Variants in GSE1 observed in about 807,000 individuals in gnomAD.
GSE1 encodes the protein Gse1 coiled-coil protein, also known as genetic suppressor element 1.
A neutral mutation model predicts 112.6 loss-of-function variants in GSE1; 32 were observed. The observed-to-expected ratio is 0.28, with a 90% confidence interval of 0.21 to 0.38. The LOEUF is 0.38. Among genes scored for constraint, GSE1 ranks in the 10% least tolerant of loss-of-function variants. The probability of loss-of-function intolerance (pLI) is 1.00; values close to 1 mark genes in which losing one functional copy is unlikely to be tolerated. For missense variants in GSE1, 2,348 were observed against 1,699.2 expected (o/e 1.38, Z -6.71); for synonymous variants, 1,115 against 735.6 (o/e 1.52, Z -8.35).
chr16:85,634,229 C>T (rs974659488), intron 2 of GSE1, 97 bp downstream of exon 2: 55 of 845,974 alleles, frequency 6.5e-5, no homozygotes, highest in East Asian at 3.6e-4. Context: ...CAGCAGGTCT[C>T]GTCTTTCCCA....
At position 85,207,309 on chromosome 16, in the gene GSE1, A is replaced by G. The variant is rs140283444; in HGVS notation, c.2283+35502A>G. 1.9e-3 allele frequency among the ~76,000 whole-genome samples: 292 copies of G among 152,304 alleles called. 1 individual carries two copies. The highest frequency in any genetic ancestry group is 3.6e-3 in the Admixed American group (55 of 15,310). ...CTGCGGGCCAGGCTCCTGGATTCCA[A>G]CTGGGAAGGTCTTCAGGGCCGGCTC... On this transcript the variant is annotated intron_variant, in intron 1 of 2. Coordinates refer to the GSE1 transcript ENST00000637419.
At chr16:85,387,280 C>G (rs758471585) in intron 2 of GSE1, among the ~76,000 whole-genome samples, 1 of 152,176 alleles carries the variant, frequency 6.6e-6, no homozygotes, top group Non-Finnish European at 1.5e-5. Context: ...CAGAACCCCC[C>G]ACTTTCCCGA....
intron 2 of GSE1, among the ~76,000 whole-genome samples, chr16:85,389,005 G>A (rs2047770700): frequency 1.3e-5 from 2 of 152,194 alleles, no homozygotes; most frequent in African/African-American, 2.4e-5. Flanking sequence ...AATGTTCCAC[G>A]ATGTTGAGGG....
intron 2 of GSE1, among the ~76,000 whole-genome samples, chr16:85,366,794 G>A (rs2047194773): frequency 6.6e-6 from 1 of 152,238 alleles, no homozygotes; most frequent in Non-Finnish European, 1.5e-5. Flanking sequence ...ACCAAGCATT[G>A]AATAAAAGCA....
intron 1 of GSE1, among the ~76,000 whole-genome samples, chr16:85,626,341 G>A (rs1010542924): frequency 6.6e-5 from 10 of 152,222 alleles, no homozygotes; most frequent in Non-Finnish European, 1.2e-4. Flanking sequence ...CGTGGTGCCC[G>A]TGCAGCCTCA....
chr16:85,182,797 G>C (rs1050210963), intron 1 of GSE1, among the ~76,000 whole-genome samples: 4 of 152,104 alleles, frequency 2.6e-5, no homozygotes, highest in Non-Finnish European at 4.4e-5. Flanking sequence ...GGCTGCATGA[G>C]ATGGGAGTGA....
At chr16:85,614,442 GGTGGGGGACCA>G (rs2048236844) in intron 1 of GSE1, among the ~76,000 whole-genome samples, 1 of 152,242 alleles carries the variant, frequency 6.6e-6, no homozygotes, top group South Asian at 2.1e-4. Flanking sequence ...CCCAGCGCCG[GGTGGGGGACCA>G]GGGGGGCACT....
At chr16:85,177,421 G>A (rs1452002042) in intron 1 of GSE1, among the ~76,000 whole-genome samples, 6 of 152,196 alleles carry the variant, frequency 3.9e-5, no homozygotes, top group East Asian at 3.9e-4. Context: ...GTCTGTCCTC[G>A]GAGAAGAGCG....
chr16:85,675,710 A>G lies in GSE1; in HGVS notation c.*3171A>G, dbSNP rs11865. Reference sequence around the variant, plus strand: ...GATCCTACCCCTTTCCCTGAGCCACATGTTTCACACAAGTGTAGAAAATGC... The same window carrying G: ...GATCCTACCCCTTTCCCTGAGCCACGTGTTTCACACAAGTGTAGAAAATGC... On this transcript the variant is annotated 3_prime_UTR_variant, in exon 16 of 16. Coordinates refer to ENST00000253458, the MANE Select transcript of GSE1 (RefSeq NM_014615.5). 55,413 of 152,178 alleles carry G rather than the reference A, an allele frequency of 0.36. 10,475 individuals carry two copies. The highest frequency in any genetic ancestry group is 0.48 in the African/African-American group (19,931 of 41,506). The allele number at this position is 152,178 out of a possible 1,614,324, so 9.4% of individuals were successfully genotyped here.
chr16:85,350,685 T>C (rs568184485), intron 1 of GSE1, among the ~76,000 whole-genome samples: 1 of 152,336 alleles, frequency 6.6e-6, no homozygotes, highest in East Asian at 1.9e-4. Context: ...GATCAGCTAG[T>C]TTGTTGAGAA....
At chr16:85,284,184 A>G (rs2044944012) in intron 1 of GSE1, among the ~76,000 whole-genome samples, 1 of 152,102 alleles carries the variant, frequency 6.6e-6, no homozygotes, top group Non-Finnish European at 1.5e-5. Context: ...GGCCGGGAGA[A>G]TTGAGAATCT....
intron 2 of GSE1, among the ~76,000 whole-genome samples, chr16:85,460,391 C>T (rs1422357082): frequency 2.6e-5 from 4 of 152,208 alleles, no homozygotes; most frequent in Admixed American, 6.5e-5. Flanking sequence ...TCCCGTCGAG[C>T]AGGGGTGACC....
At chr16:85,195,316 G>C (rs751835372) in intron 1 of GSE1, among the ~76,000 whole-genome samples, 15 of 152,160 alleles carry the variant, frequency 9.9e-5, no homozygotes, top group Non-Finnish European at 1.9e-4. Context: ...GAGTGCCACC[G>C]GGCAGGCGAG....
chr16:85,579,317 T>C (rs895469429), intron 1 of GSE1, among the ~76,000 whole-genome samples: 4 of 152,194 alleles, frequency 2.6e-5, no homozygotes, highest in African/African-American at 9.7e-5. Context: ...CCCACCCACT[T>C]CTTTTGAAAT....
chr16:85,385,048 ACTGG>A (rs2047656895), intron 2 of GSE1, among the ~76,000 whole-genome samples: 1 of 152,194 alleles, frequency 6.6e-6, no homozygotes. Flanking sequence ...TAAAAGTCTC[ACTGG>A]CTCCGCCACC....
At chr16:85,652,467 A>C (rs2051445608) in intron 3 of GSE1, among the ~76,000 whole-genome samples, 1 of 152,182 alleles carries the variant, frequency 6.6e-6, no homozygotes, top group African/African-American at 2.4e-5. Context: ...TCGTGAACCC[A>C]GGAGGACCCT....
chr16:85,366,994 G>A (rs1238080414), intron 2 of GSE1, among the ~76,000 whole-genome samples: 1 of 152,120 alleles, frequency 6.6e-6, no homozygotes, highest in Admixed American at 6.5e-5. Flanking sequence ...GGACAGAGCC[G>A]TGTCACCAGG....
chr16:85,652,545 A>AGGCGGCGGC (rs142500416), intron 3 of GSE1, among the ~76,000 whole-genome samples: 82 of 150,954 alleles, frequency 5.4e-4, no homozygotes, highest in East Asian at 3.8e-3. Context: ...TGAAGATTCC[A>AGGCGGCGGC]GGCGGCGGCG....
In GSE1 at chr16:85,247,193, C is replaced by T. The variant is rs537295699; in HGVS notation, c.2283+75386C>T. 3.3e-5 allele frequency among the ~76,000 whole-genome samples: 5 copies of T among 152,288 alleles called. No homozygotes were observed. In the Middle Eastern group the frequency reaches 0.01, roughly 311 times the overall value. ...GTCACAAGTGTCCTGGTCTTGATTT[C>T]GCCACGGGCTGGATGCTCTGAATGG... On this transcript the variant is annotated intron_variant, in intron 1 of 2. Transcript: ENST00000637419.
Sources: allele counts gnomAD v4.1 joint callset (sites outside exome capture counted in the v4.1 genomes callset), GRCh38; gene constraint gnomAD v4.1.1; transcripts MANE v1.5; gene names NCBI Gene and HGNC (gene_info 2026-07-23, HGNC 2026-07-21).